DIABLO: variants seen among roughly 807,000 people sequenced by gnomAD.
DIABLO encodes the protein diablo homolog, mitochondrial.
DIABLO carries 32 observed loss-of-function variants against 31.7 expected under a neutral mutation model. The ratio of observed to expected loss-of-function variants is 1.01; its 90% confidence interval spans 0.76 to 1.35. DIABLO has a LOEUF of 1.35. DIABLO is among the 40% of genes most tolerant of loss of function. The pLI is 0.00. For synonymous variants in DIABLO, 132 were observed against 103.2 expected (o/e 1.28, Z -1.69); for missense variants, 316 against 286.4 (o/e 1.10, Z -0.75).
chr12:122,226,156 G>T, upstream of DIABLO: 2 of 1,248,002 alleles, frequency 1.6e-6, no homozygotes, highest in Non-Finnish European at 2.3e-6. Context: ...TGGGCAGGCA[G>T]GGGGAAAGGG....
At position 122,214,967 on chromosome 12, in the gene DIABLO, A is replaced by C. The variant is rs530024279; in HGVS notation, c.523+1521T>G. Among the ~76,000 whole-genome samples, 5 of 152,266 alleles carry C rather than the reference A, an allele frequency of 3.3e-5. No individual in the cohort carries two copies. In the East Asian group the frequency reaches 9.7e-4, roughly 29 times the overall value. The stretch of plus-strand genomic sequence containing the variant: ...TGATCCGCCCTCCTTGGCCCCCCAA[A>C]GTGCTGGGATTATAGGCATGAGCCA... On this transcript the variant is annotated intron_variant, in intron 5 of 5. Coordinates refer to ENST00000464942, the MANE Select transcript of DIABLO (RefSeq NM_001371333.1).
At chr12:122,226,652 C>T (rs902928776), upstream of DIABLO, 59 of 639,086 alleles carry the variant, frequency 9.2e-5, no homozygotes, top group Middle Eastern at 8.1e-4. Flanking sequence ...GAGGTCCTGG[C>T]CCTCGAAACA....
chr12:122,226,238 G>GGCATATGCAGGGCCTGA (rs961244018), upstream of DIABLO: 25 of 751,296 alleles, frequency 3.3e-5, no homozygotes, highest in Non-Finnish European at 5.3e-5. Context: ...CGCGGGGCGG[G>GGCATATGCAGGGCCTGA]GCATATGCAG....
intron 2 of DIABLO, 45 bp from the exon 3 acceptor site, chr12:122,218,442 G>A: frequency 6.2e-7 from 1 of 1,613,274 alleles, no homozygotes; most frequent in Non-Finnish European, 8.5e-7. Context: ...AGCTCAAACT[G>A]AGAACTTTTT....
chr12:122,222,166 TA>T (rs1322358495), intron 2 of DIABLO: 1 of 152,176 alleles, frequency 6.6e-6, no homozygotes, highest in Non-Finnish European at 1.5e-5. Context: ...TTATATCAAC[TA>T]CTTAATTGAC....
intron 5 of DIABLO, among the ~76,000 whole-genome samples, chr12:122,212,842 G>C (rs113970894): frequency 0.028 from 4,277 of 151,896 alleles, 152 homozygotes; most frequent in African/African-American, 0.076. Context: ...AACCAGGATG[G>C]TCTTTATCTC....
rs1158280601 is a variant in DIABLO at position 122,208,130 on chromosome 12, G to C, written c.*251C>G. The C allele has an allele frequency of 4.4e-6, 3 of 677,352 alleles. No individual in the cohort carries two copies. In the East Asian group the frequency reaches 8.6e-5, roughly 19 times the overall value. 42.0% of individuals were successfully genotyped at this position (677,352 alleles called of 1,614,324 possible). A position where few individuals can be genotyped will look rare whatever the true frequency, so the allele number is the denominator to read the frequency against. On this transcript the variant is annotated 3_prime_UTR_variant, in exon 6 of 6. Transcript: ENST00000464942. ...TTTGGGTGTGAGGTAAAAAAAATGGGTAAGAGCAGCTGTACAGAGTGGGGT... is the reference window on the plus strand; with the variant it reads ...TTTGGGTGTGAGGTAAAAAAAATGGCTAAGAGCAGCTGTACAGAGTGGGGT...
At chr12:122,209,978 C>G in intron 5 of DIABLO, 2 of 583,664 alleles carry the variant, frequency 3.4e-6, no homozygotes, top group Non-Finnish European at 6.1e-6. Context: ...ATGTTTTGGG[C>G]ATATGTTAAG....
At chr12:122,224,439 A>G in intron 2 of DIABLO, 73 bp downstream of exon 2, 1 of 1,611,788 alleles carries the variant, frequency 6.2e-7, no homozygotes, top group Non-Finnish European at 8.5e-7. Context: ...TAGCTTGTCT[A>G]ATGCTTCACC....
intron 4 of DIABLO, 48 bp downstream of exon 4, chr12:122,216,711 C>T: frequency 6.4e-7 from 1 of 1,569,316 alleles, no homozygotes; most frequent in Non-Finnish European, 8.8e-7. Context: ...TTAGATACCA[C>T]ATGAGGTAGG....
intron 2 of DIABLO, among the ~76,000 whole-genome samples, chr12:122,219,349 G>C (rs1593177796): frequency 6.6e-6 from 1 of 152,136 alleles, no homozygotes; most frequent in African/African-American, 2.4e-5. Context: ...GTCTCAACAA[G>C]ACATTCTCTG....
chr12:122,220,030 G>A (rs1468314379), intron 2 of DIABLO, among the ~76,000 whole-genome samples: 1 of 147,080 alleles, frequency 6.8e-6, no homozygotes, highest in Non-Finnish European at 1.5e-5. Context: ...TGCAACCTCC[G>A]CCTCCTGGGT....
chr12:122,221,317 G>A (rs1438736423), intron 2 of DIABLO: 3 of 152,156 alleles, frequency 2.0e-5, no homozygotes, highest in Admixed American at 6.5e-5. Flanking sequence ...GGGATGTCCA[G>A]GGATCTAGCC....
Position 122,208,026 on chromosome 12 carries a change from T to A in DIABLO, c.*355A>T, listed in dbSNP as rs758892585. On this transcript the variant is annotated 3_prime_UTR_variant, in exon 6 of 6. Coordinates refer to ENST00000464942, the MANE Select transcript of DIABLO (RefSeq NM_001371333.1). ...TCATTTTTGACGACGTAAATAAGACTGAAAACAGGTTAAACAGTTGCTGAA... is the reference window on the plus strand; with the variant it reads ...TCATTTTTGACGACGTAAATAAGACAGAAAACAGGTTAAACAGTTGCTGAA... 2 of 513,058 alleles carry A rather than the reference T, an allele frequency of 3.9e-6. No homozygotes were observed. Among genetic ancestry groups the A allele is most frequent in the Non-Finnish European group, 7.5e-6 (2 of 266,448 alleles). The allele number at this position is 513,058 out of a possible 1,614,324, so 31.8% of individuals were successfully genotyped here. A position where few individuals can be genotyped will look rare whatever the true frequency, so the allele number is the denominator to read the frequency against.
Position 122,207,913 on chromosome 12 carries a change from G to C in DIABLO, c.*468C>G. On this transcript the variant is annotated 3_prime_UTR_variant, in exon 6 of 6. Coordinates refer to ENST00000464942, the MANE Select transcript of DIABLO (RefSeq NM_001371333.1). ...TGGGGGCAGATCAGAGAACACATCA[G>C]AAATACATACAAAGAAATCGTACAA... 2.2e-6 allele frequency: 1 copy of C among 460,918 alleles called. No individual in the cohort carries two copies. Among genetic ancestry groups the C allele is most frequent in the Non-Finnish European group, 4.3e-6 (1 of 231,598 alleles). The allele number at this position is 460,918 out of a possible 1,614,324, so 28.6% of individuals were successfully genotyped here.
chr12:122,223,382 C>T (rs1374198558), intron 2 of DIABLO, among the ~76,000 whole-genome samples: 1 of 150,606 alleles, frequency 6.6e-6, no homozygotes, highest in East Asian at 2.0e-4. Flanking sequence ...TGCAGTGAGC[C>T]AAGATTGTGC....
chr12:122,224,872 G>A (rs1954416563), intron 1 of DIABLO: 5 of 1,440,802 alleles, frequency 3.5e-6, no homozygotes, highest in Non-Finnish European at 4.6e-6. Flanking sequence ...GAAGGCCAAG[G>A]GCAAGGCGGG....
intron 2 of DIABLO, chr12:122,220,879 A>C (rs1484599325): frequency 6.6e-6 from 1 of 152,260 alleles, no homozygotes; most frequent in Non-Finnish European, 1.5e-5. Context: ...ACCTCTGCTC[A>C]CAAGAAGCTA....
At position 122,208,537 on chromosome 12, in the gene DIABLO, C is replaced by G. The variant is rs747280328; in HGVS notation, c.564G>C (p.Gln188His). ...CCTCTTCCACCTGCAGTTTCACCAG[C>G]TGAATGTGATTCCTGGCGGTTATAG... Reference protein sequence around the residue: ...QASITARNHIQLVKLQVEEVH... With the variant: ...QASITARNHIHLVKLQVEEVH... The change falls in exon 6 of 6, where the codon CAG becomes CAC. Residue 188 changes from glutamine (Q) to histidine (H), a missense_variant. Coordinates refer to ENST00000464942, the MANE Select transcript of DIABLO (RefSeq NM_001371333.1). 7 of 1,613,978 alleles carry G rather than the reference C, an allele frequency of 4.3e-6. No individual in the cohort carries two copies. Among genetic ancestry groups the G allele is most frequent in the Admixed American group, 1.7e-5 (1 of 60,032 alleles).
Sources: gnomAD v4.1 joint callset for allele counts (sites outside exome capture counted in the v4.1 genomes callset) on GRCh38, gnomAD v4.1.1 for gene constraint, MANE v1.5 for transcripts, NCBI Gene and HGNC (gene_info 2026-07-23, HGNC 2026-07-21) for gene names.